The following DAPK1 variants were observed in gnomAD, a reference collection of about 807,000 sequenced individuals.
DAPK1 encodes the protein death-associated protein kinase 1.
Under a neutral mutation model 144.9 loss-of-function variants are expected in DAPK1, and 56 were observed. The observed-to-expected ratio is 0.39, with a 90% CI of 0.31 to 0.48. The LOEUF is 0.48. Among genes scored for constraint, DAPK1 ranks in the 20% least tolerant of loss-of-function variants. The pLI is 0.95. For missense variants in DAPK1, 1,454 were observed against 1,875.4 expected (o/e 0.78, Z 4.15); for synonymous variants, 690 against 749.0 (o/e 0.92, Z 1.29).
chr9:87,650,847 C>T (rs1830419613), intron 16 of DAPK1, among the ~76,000 whole-genome samples: 1 of 152,178 alleles, frequency 6.6e-6, no homozygotes, highest in African/African-American at 2.4e-5. Flanking sequence ...AAACATCCTG[C>T]AGCTCACAGA....
At chr9:87,579,685 A>G (rs1219408189) in intron 2 of DAPK1, among the ~76,000 whole-genome samples, 2 of 152,184 alleles carry the variant, frequency 1.3e-5, no homozygotes, top group African/African-American at 2.4e-5. Context: ...ATTCTCTTCT[A>G]TTATTTCAAA....
chr9:87,686,000 C>T (rs1824831274), intron 20 of DAPK1, among the ~76,000 whole-genome samples: 1 of 152,142 alleles, frequency 6.6e-6, no homozygotes, highest in Non-Finnish European at 1.5e-5. Flanking sequence ...ACTGAAAGGC[C>T]TTCAAGGGAA....
intron 3 of DAPK1, among the ~76,000 whole-genome samples, chr9:87,614,039 A>G (rs1210776404): frequency 6.6e-6 from 1 of 152,222 alleles, no homozygotes; most frequent in East Asian, 1.9e-4. Context: ...TGCCTTTCAA[A>G]GCAGAGCTAA....
intron 2 of DAPK1, among the ~76,000 whole-genome samples, chr9:87,568,938 AT>A (rs972649348): frequency 6.6e-6 from 1 of 152,198 alleles, no homozygotes; most frequent in Non-Finnish European, 1.5e-5. Context: ...TGAGAAAGGA[AT>A]TTTAGAGGAA....
Position 87,689,992 on chromosome 9 carries a change from GTT to G in DAPK1, c.2413+3256_2413+3257del, listed in dbSNP as rs1825000877. Among the ~76,000 whole-genome samples, 3 of 151,984 alleles carry G rather than the reference GTT, an allele frequency of 2.0e-5. No homozygotes were observed. In the South Asian group the frequency reaches 6.2e-4, roughly 31 times the overall value. ...GGATTGCTTTGGCTGTTTGGCCACT[GTT>G]TTGTTTCCATACAAATTTTCCGATT... On this transcript the variant is annotated intron_variant, in intron 21 of 25. Coordinates refer to ENST00000408954, the MANE Select transcript of DAPK1 (RefSeq NM_004938.4).
intron 19 of DAPK1, among the ~76,000 whole-genome samples, chr9:87,680,050 T>C (rs560565640): frequency 1.3e-5 from 2 of 152,020 alleles, no homozygotes; most frequent in African/African-American, 4.8e-5. Flanking sequence ...GATTATCCTT[T>C]TTATTTTATG....
At chr9:87,524,273 G>T (rs1825406061) in intron 2 of DAPK1, among the ~76,000 whole-genome samples, 1 of 152,102 alleles carries the variant, frequency 6.6e-6, no homozygotes, top group Non-Finnish European at 1.5e-5. Context: ...AGGTCTCTGG[G>T]CCCACTGCAT....
intron 17 of DAPK1, among the ~76,000 whole-genome samples, chr9:87,656,426 G>A (rs1830631424): frequency 6.6e-6 from 1 of 152,122 alleles, no homozygotes; most frequent in African/African-American, 2.4e-5. Flanking sequence ...TTCCCTTCTA[G>A]AAAACTGTGC....
rs1830270778 is a variant in DAPK1, at chr9:87,646,464, G to A, written c.1135G>A (p.Gly379Arg). ...ATTTTTTTCTTGCCTATTCTAGCAC[G>A]GGACACCTCCATTACTCATTGCTGC... ...NYDVNQPNKH[G>R]TPPLLIAAGC... The change falls in exon 13 of 26, where the codon GGG becomes AGG. Residue 379 changes from glycine (G) to arginine (R), a missense_variant. By Grantham distance (125) the Gly-to-Arg change is moderately radical. Transcript: ENST00000408954. The A allele has an allele frequency of 6.2e-7, 1 of 1,611,304 alleles. No individual in the cohort carries two copies. The highest frequency in any genetic ancestry group is 8.5e-7 in the Non-Finnish European group (1 of 1,178,198).
intron 21 of DAPK1, among the ~76,000 whole-genome samples, chr9:87,687,282 C>CCA (rs138996976): frequency 4.6e-5 from 7 of 151,656 alleles, no homozygotes; most frequent in African/African-American, 1.7e-4. Flanking sequence ...ATTCCCCTCT[C>CCA]CACACACACA....
At position 87,706,060 on chromosome 9, in the gene DAPK1, A is replaced by C; in HGVS notation, c.3061-72A>C. On this transcript the variant is annotated intron_variant, in intron 25 of 25. Coordinates refer to ENST00000408954, the MANE Select transcript of DAPK1 (RefSeq NM_004938.4). This position sits in a 1 kb window ranked among gnomAD's most constrained non-coding sequence, Gnocchi z 9.0. ...CTCTGTTGCCGGCATCAGGCCCTTT[A>C]GTGCTCTAAGTGGCTGGTGCACCTG... The C allele has an allele frequency of 2.7e-6, 3 of 1,127,674 alleles. No individual in the cohort carries two copies. The South Asian group carries it at 4.3e-5, about 16-fold the overall frequency. 69.9% of individuals were successfully genotyped at this position (1,127,674 alleles called of 1,614,324 possible). A position where few individuals can be genotyped will look rare whatever the true frequency, so the allele number is the denominator to read the frequency against.
chr9:87,684,118 G>A (rs1231418402), intron 20 of DAPK1, among the ~76,000 whole-genome samples: 2 of 152,258 alleles, frequency 1.3e-5, no homozygotes, highest in African/African-American at 2.4e-5. Context: ...ACAGCGCCCG[G>A]GAAATGCAGA....
Position 87,658,091 on chromosome 9 carries a change from C to CT in DAPK1, c.1888dup (p.Cys630LeufsTer8). 1 of 1,536,000 alleles carries CT rather than the reference C, an allele frequency of 6.5e-7. No individual in the cohort carries two copies. The highest frequency in any genetic ancestry group is 9.0e-7 in the Non-Finnish European group (1 of 1,109,656). ...GAATCCTAGACGTGGTCCGGTATCT[C>CT]TGTCTGATGGGAGCCAGCGTTGAGG... On this transcript the variant is annotated frameshift_variant, in exon 18 of 26. Transcript: ENST00000408954. LOFTEE classifies it high-confidence loss of function.
Position 87,497,878 on chromosome 9 carries a change from TGAG to T in DAPK1, c.-332_-330del, listed in dbSNP as rs1824225100. 2 of 392,206 alleles carry T rather than the reference TGAG, an allele frequency of 5.1e-6. No individual in the cohort carries two copies. Among genetic ancestry groups the T allele is most frequent in the Non-Finnish European group, 4.5e-6 (1 of 222,612 alleles). 24.3% of individuals were successfully genotyped at this position (392,206 alleles called of 1,614,324 possible). ...GGAGCCGAGAGGCTGCTTCGGAGTG[TGAG>T]GAGGACAGCCGGACCGAGCCAACGC... is the stretch of plus-strand genomic sequence containing the variant. On this transcript the variant is annotated 5_prime_UTR_variant, in exon 1 of 26. Transcript: ENST00000408954.
At chr9:87,600,312 GC>G (rs1235063724) in intron 2 of DAPK1, among the ~76,000 whole-genome samples, 5 of 152,198 alleles carry the variant, frequency 3.3e-5, no homozygotes, top group Admixed American at 6.5e-5. Flanking sequence ...TATGCCTCCT[GC>G]AGTGACTCAT....
In DAPK1 at chr9:87,706,093, C is replaced by T. The variant is rs1481422389; in HGVS notation, c.3061-39C>T. Reference sequence around the variant, plus strand: ...AAGTGGCTGGTGCACCTGGCCAGGGCTCTGTCCCTAAGCGTGACTTTCTGT... The same window carrying T: ...AAGTGGCTGGTGCACCTGGCCAGGGTTCTGTCCCTAAGCGTGACTTTCTGT... On this transcript the variant is annotated intron_variant, in intron 25 of 25. Transcript: ENST00000408954. This position sits in a 1 kb window ranked among gnomAD's most constrained non-coding sequence, Gnocchi z 9.0. 1.3e-6 allele frequency: 2 copies of T among 1,521,282 alleles called. No homozygotes were observed. The highest frequency in any genetic ancestry group is 1.4e-5 in the African/African-American group (1 of 73,052). The allele number at this position is 1,521,282 out of a possible 1,614,324, so 94.2% of individuals were successfully genotyped here. A position where few individuals can be genotyped will look rare whatever the true frequency, so the allele number is the denominator to read the frequency against.
intron 2 of DAPK1, among the ~76,000 whole-genome samples, chr9:87,587,196 C>T (rs1280191849): frequency 6.6e-6 from 1 of 152,214 alleles, no homozygotes. Context: ...AAACTCTCCG[C>T]CATGTTCTCT....
chr9:87,672,651 G>A (rs1310302154), intron 19 of DAPK1, among the ~76,000 whole-genome samples: 2 of 152,178 alleles, frequency 1.3e-5, no homozygotes, highest in African/African-American at 2.4e-5. Flanking sequence ...GGCTCTTGAC[G>A]TTAGCCCCTG....
At chr9:87,663,759 C>T (rs1253174219) in intron 18 of DAPK1, among the ~76,000 whole-genome samples, 5 of 152,086 alleles carry the variant, frequency 3.3e-5, no homozygotes, top group Non-Finnish European at 4.4e-5. Flanking sequence ...CCTTCAGAGG[C>T]CCTCGGCCCC....
Sources: gnomAD v4.1 joint callset for allele counts (sites outside exome capture counted in the v4.1 genomes callset) on GRCh38, gnomAD v4.1.1 for gene constraint, Gnocchi (gnomAD v3.1) non-coding constraint, MANE v1.5 for transcripts, NCBI Gene and HGNC (gene_info 2026-07-23, HGNC 2026-07-21) for gene names.